Variants in KCNH1 observed in about 807,000 individuals in gnomAD.
KCNH1 encodes the protein voltage-gated delayed rectifier potassium channel KCNH1.
In KCNH1, 27 loss-of-function variants were observed where a neutral mutation model predicts 69.2. The ratio of observed to expected loss-of-function variants is 0.39; its 90% confidence interval spans 0.29 to 0.54. The LOEUF is 0.54. KCNH1 is among the 20% of genes least tolerant of loss of function. The probability of loss-of-function intolerance (pLI) is 0.68; values close to 1 mark genes in which losing one functional copy is unlikely to be tolerated. For synonymous variants in KCNH1, 456 were observed against 487.7 expected, an observed-to-expected ratio of 0.93 and a Z score of 0.86; for missense variants, 798 against 1,261.6, an observed-to-expected ratio of 0.63 and a Z score of 5.57.
intron 7 of KCNH1, among the ~76,000 whole-genome samples, chr1:210,812,506 AAT>A (rs965141778): frequency 1.3e-4 from 20 of 152,220 alleles, no homozygotes; most frequent in Non-Finnish European, 1.8e-4. Context: ...AAGGAGACTT[AAT>A]ATGTCTTTTT....
At chr1:210,945,175 T>C (rs901303063) in intron 6 of KCNH1, among the ~76,000 whole-genome samples, 22 of 152,212 alleles carry the variant, frequency 1.4e-4, no homozygotes, top group African/African-American at 5.3e-4. Flanking sequence ...GGCACTTGGG[T>C]TGTGTCTACC....
intron 7 of KCNH1, among the ~76,000 whole-genome samples, chr1:210,875,746 T>A (rs898606867): frequency 3.3e-5 from 5 of 150,458 alleles, no homozygotes; most frequent in Non-Finnish European, 7.4e-5. Context: ...GAGGTTGCAG[T>A]GAGCTGAGAT....
intron 6 of KCNH1, among the ~76,000 whole-genome samples, chr1:210,945,117 T>C (rs1687935385): frequency 6.6e-6 from 1 of 152,204 alleles, no homozygotes; most frequent in Admixed American, 6.5e-5. Context: ...ATAAATAATA[T>C]CCTATTGTGT....
intron 6 of KCNH1, among the ~76,000 whole-genome samples, chr1:210,974,464 G>C (rs1399768229): frequency 6.6e-6 from 1 of 151,584 alleles, no homozygotes; most frequent in Non-Finnish European, 1.5e-5. Flanking sequence ...TTGCTAATAA[G>C]AATATTGGCT....
chr1:211,124,628 AAG>A lies in KCNH1; in HGVS notation c.79+9237_79+9238del, dbSNP rs535465737. Among the ~76,000 whole-genome samples, 17 of 151,312 alleles carry A rather than the reference AAG, an allele frequency of 1.1e-4. No homozygotes were observed. In the South Asian group the frequency reaches 2.5e-3, roughly 22 times the overall value. ...AAGACTCGGTCAAAAGAAAGAAAGA[AAG>A]AGAGAGAGAGAGAGACCACTTTATC... On this transcript the variant is annotated intron_variant, in intron 1 of 10. Coordinates refer to ENST00000271751, the MANE Select transcript of KCNH1 (RefSeq NM_172362.3).
chr1:210,840,670 T>G (rs1685387604), intron 7 of KCNH1, among the ~76,000 whole-genome samples: 1 of 152,210 alleles, frequency 6.6e-6, no homozygotes, highest in African/African-American at 2.4e-5. Flanking sequence ...GCTTGGAGTC[T>G]TCTCTAGAGA....
At position 210,681,993 on chromosome 1, in the gene KCNH1, G is replaced by A. The variant is rs1288222754; in HGVS notation, c.*1288C>T. On this transcript the variant is annotated 3_prime_UTR_variant, in exon 11 of 11. Transcript: ENST00000271751. Reference sequence around the variant, plus strand: ...GTGTCCCCGAGCATCGTGGCATAGGGGCTTGGATGGCCCATACGCAGTTCT... The same window carrying A: ...GTGTCCCCGAGCATCGTGGCATAGGAGCTTGGATGGCCCATACGCAGTTCT... The A allele has an allele frequency of 1.3e-5, 2 of 152,166 alleles. No homozygotes were observed. The highest frequency in any genetic ancestry group is 6.5e-5 in the Admixed American group (1 of 15,276). 9.4% of individuals were successfully genotyped at this position (152,166 alleles called of 1,614,324 possible). A position where few individuals can be genotyped will look rare whatever the true frequency, so the allele number is the denominator to read the frequency against.
chr1:210,975,660 T>C lies in KCNH1; in HGVS notation c.1032+43123A>G, dbSNP rs1367798803. 2.0e-5 allele frequency among the ~76,000 whole-genome samples: 3 copies of C among 152,146 alleles called. No individual in the cohort carries two copies. The East Asian group carries it at 5.8e-4, about 29-fold the overall frequency. ...GCCATAAAAACTCTAGAAGAAAACC[T>C]AGGCAACACCATTCAGGACATGGGC... On this transcript the variant is annotated intron_variant, in intron 6 of 10. Transcript: ENST00000271751.
intron 7 of KCNH1, among the ~76,000 whole-genome samples, chr1:210,907,886 T>C (rs535900726): frequency 2.6e-5 from 4 of 152,170 alleles, no homozygotes; most frequent in Non-Finnish European, 5.9e-5. Context: ...CCTTAAGCCA[T>C]AAGTTGGGTT....
rs567848573 is a variant in KCNH1 at position 211,079,401 on chromosome 1, G to T, written c.558+3379C>A. On this transcript the variant is annotated intron_variant, in intron 5 of 10. Transcript: ENST00000271751. Reference sequence around the variant, plus strand: ...TCTACCAGAGCTACAAAGAGGAGCTGGTACCATTCCTTCTGAAACTATTCC... The same window carrying T: ...TCTACCAGAGCTACAAAGAGGAGCTTGTACCATTCCTTCTGAAACTATTCC... Among the ~76,000 whole-genome samples, 6 of 152,264 alleles carry T rather than the reference G, an allele frequency of 3.9e-5. No individual in the cohort carries two copies. In the East Asian group the frequency reaches 9.7e-4, roughly 24 times the overall value.
At chr1:210,931,516 G>A (rs1687680340) in intron 6 of KCNH1, among the ~76,000 whole-genome samples, 1 of 152,104 alleles carries the variant, frequency 6.6e-6, no homozygotes, top group African/African-American at 2.4e-5. Context: ...GGACTTGGGG[G>A]AAAGGGTGAG....
chr1:210,803,946 T>C lies in KCNH1; in HGVS notation c.1662+21A>G, dbSNP rs751402641. On this transcript the variant is annotated intron_variant, in intron 8 of 10. Coordinates refer to ENST00000271751, the MANE Select transcript of KCNH1 (RefSeq NM_172362.3). ...GAAACCAAAAGACAAATGGTTTCCC[T>C]GAGCTCCTCATCCTCCTTACCTTCT... 2.5e-6 allele frequency: 4 copies of C among 1,608,046 alleles called. No individual in the cohort carries two copies. In the African/African-American group the frequency reaches 4.0e-5, roughly 16 times the overall value.
At chr1:210,979,288 T>C (rs188498658) in intron 6 of KCNH1, among the ~76,000 whole-genome samples, 25 of 152,330 alleles carry the variant, frequency 1.6e-4, no homozygotes, top group Admixed American at 1.2e-3. Flanking sequence ...CAGCAAGTCA[T>C]ACAGTTATTT....
At chr1:210,861,919 G>A (rs1685986723) in intron 7 of KCNH1, 1 of 769,202 alleles carries the variant, frequency 1.3e-6, no homozygotes, top group South Asian at 1.4e-5. Context: ...CCAGCAGCTT[G>A]GATAATCACG....
chr1:210,962,548 T>G (rs949308974), intron 6 of KCNH1, among the ~76,000 whole-genome samples: 5 of 152,158 alleles, frequency 3.3e-5, no homozygotes, highest in African/African-American at 9.7e-5. Context: ...AATGTCATGT[T>G]GTTAACCATC....
chr1:210,733,206 G>A (rs1297061093), intron 10 of KCNH1, among the ~76,000 whole-genome samples: 2 of 152,012 alleles, frequency 1.3e-5, no homozygotes, highest in African/African-American at 4.8e-5. Context: ...TTCTCAGAAA[G>A]CTGTGCATGT....
At chr1:211,008,065 G>T (rs1689318177) in intron 6 of KCNH1, among the ~76,000 whole-genome samples, 1 of 152,040 alleles carries the variant, frequency 6.6e-6, no homozygotes, top group South Asian at 2.1e-4. Flanking sequence ...ATACCCAAAA[G>T]AATTAAAAGC....
intron 5 of KCNH1, among the ~76,000 whole-genome samples, chr1:211,061,785 C>G (rs1690436935): frequency 6.6e-6 from 1 of 151,942 alleles, no homozygotes; most frequent in Non-Finnish European, 1.5e-5. Context: ...ACAATGAAAG[C>G]TACAAAACAT....
chr1:211,125,872 T>A (rs1691768236), intron 1 of KCNH1, among the ~76,000 whole-genome samples: 1 of 152,218 alleles, frequency 6.6e-6, no homozygotes, highest in South Asian at 2.1e-4. Flanking sequence ...ATAGGACTGA[T>A]CAAAAGAGTT....
Sources: allele counts gnomAD v4.1 joint callset (sites outside exome capture counted in the v4.1 genomes callset), GRCh38; gene constraint gnomAD v4.1.1; transcripts MANE v1.5; gene names NCBI Gene and HGNC (gene_info 2026-07-23, HGNC 2026-07-21).